The following ATP13A4 variants were observed in gnomAD, a reference collection of about 807,000 sequenced individuals.
ATP13A4 encodes the protein ATPase 13A4.
Under a neutral mutation model 142.5 loss-of-function variants are expected in ATP13A4, and 114 were observed. That is an observed-to-expected ratio of 0.80 (90% CI 0.69 to 0.93). The LOEUF is 0.93. ATP13A4 is among the 40% of genes least tolerant of loss of function. ATP13A4 has a pLI of 0.00. For missense variants in ATP13A4, 1,392 were observed against 1,454.0 expected (o/e 0.96, Z 0.69); for synonymous variants, 488 against 514.8 (o/e 0.95, Z 0.70).
At chr3:193,534,673 T>C (rs2108707296) in intron 1 of ATP13A4, among the ~76,000 whole-genome samples, 1 of 152,190 alleles carries the variant, frequency 6.6e-6, no homozygotes, top group African/African-American at 2.4e-5. Context: ...TTGTCCAATA[T>C]GAACTACAGA....
At chr3:193,458,986 C>G (rs1443020231) in intron 14 of ATP13A4, 95 bp downstream of exon 14, 1 of 1,554,320 alleles carries the variant, frequency 6.4e-7, no homozygotes, top group Non-Finnish European at 8.9e-7. Flanking sequence ...ACATTGGAAA[C>G]CTCACCTTTT....
rs753114698 is a variant in ATP13A4, at chr3:193,454,167, C to T, written c.1961G>A (p.Gly654Asp). 19 of 1,613,994 alleles carry T rather than the reference C, an allele frequency of 1.2e-5. No individual in the cohort carries two copies. The South Asian group carries it at 1.3e-4, about 11-fold the overall frequency. ...GTAGGCCAGTGCTATGACTCGGAAG[C>T]CCTGTGTCGTGTAAATCTGAAGTTC... ...VSELQIYTTQ[G>D]FRVIALAYKK... Residue 654 changes from glycine to aspartate, a missense_variant, in exon 17 of 30, where the codon GGC becomes GAC. Transcript: ENST00000342695.
chr3:193,456,974 G>T, intron 16 of ATP13A4, 26 bp downstream of exon 16: 2 of 1,600,452 alleles, frequency 1.2e-6, no homozygotes, highest in East Asian at 2.2e-5. Context: ...AGATTTGCCA[G>T]GTGTAATCCA....
chr3:193,414,490 G>A, intron 26 of ATP13A4, 89 bp downstream of exon 26: 1 of 1,486,618 alleles, frequency 6.7e-7, no homozygotes, highest in Non-Finnish European at 9.3e-7. Flanking sequence ...TTGGCAGAAT[G>A]AAGACCCATG....
chr3:193,430,829 T>C (rs1423466060), intron 25 of ATP13A4, among the ~76,000 whole-genome samples: 3 of 152,044 alleles, frequency 2.0e-5, no homozygotes, highest in East Asian at 1.9e-4. Context: ...CATTGGAGCA[T>C]TTTAAGCAAG....
At chr3:193,583,678 G>A (rs75633055) in intron 1 of ATP13A4, among the ~76,000 whole-genome samples, 4,523 of 151,760 alleles carry the variant, frequency 0.03, 234 homozygotes, top group African/African-American at 0.1. Flanking sequence ...CAGACAATAA[G>A]TTGGCATTTC....
At chr3:193,522,738 T>C (rs1721790082) in intron 1 of ATP13A4, among the ~76,000 whole-genome samples, 1 of 152,096 alleles carries the variant, frequency 6.6e-6, no homozygotes, top group Admixed American at 6.5e-5. Context: ...AGCTTCAAAC[T>C]ACAGAGTGAG....
rs773750389 is a variant in ATP13A4, at chr3:193,457,396, A to T, written c.1744T>A (p.Cys582Ser). ...GGGCTTACCTGGCTGGCTGTTCTGC[A>T]GGGCTTAACTACCATGGCATGTGCC... Reference protein sequence around the residue: ...VPAHAMVVKPCRTASQVPVEG... With the variant: ...VPAHAMVVKPSRTASQVPVEG... Residue 582 changes from cysteine (C) to serine (S), a missense_variant, in exon 15 of 30, where the codon TGC becomes AGC. Cys to Ser is a moderately radical substitution (Grantham distance 112). Transcript: ENST00000342695. 1.2e-6 allele frequency: 2 copies of T among 1,614,230 alleles called. No individual in the cohort carries two copies. The highest frequency in any genetic ancestry group is 1.7e-6 in the Non-Finnish European group (2 of 1,180,032).
intron 25 of ATP13A4, among the ~76,000 whole-genome samples, chr3:193,429,120 A>G (rs1289496642): frequency 1.3e-5 from 2 of 152,082 alleles, no homozygotes; most frequent in African/African-American, 4.8e-5. Flanking sequence ...CTCCAAACCT[A>G]TTAGGATGGT....
At chr3:193,485,210 G>A (rs1042610849) in intron 7 of ATP13A4, among the ~76,000 whole-genome samples, 5 of 151,784 alleles carry the variant, frequency 3.3e-5, no homozygotes, top group East Asian at 3.9e-4. Context: ...AAAGCCTAGC[G>A]CATCTGGAAG....
intron 2 of ATP13A4, among the ~76,000 whole-genome samples, chr3:193,560,572 C>T (rs971284030): frequency 3.9e-5 from 6 of 152,164 alleles, no homozygotes; most frequent in Admixed American, 1.3e-4. Context: ...AGAATATTTA[C>T]GAGGACTTCA....
At position 193,418,475 on chromosome 3, in the gene ATP13A4, A is replaced by T. The variant is rs1343017383; in HGVS notation, c.2843-3725T>A. Among the ~76,000 whole-genome samples the T allele has an allele frequency of 4.7e-5, 7 of 149,724 alleles. 1 individual carries two copies. The highest frequency in any genetic ancestry group is 1.7e-4 in the African/African-American group (7 of 40,636). On this transcript the variant is annotated intron_variant, in intron 25 of 29. Coordinates refer to ENST00000342695, the MANE Select transcript of ATP13A4 (RefSeq NM_032279.4). Reference sequence around the variant, plus strand: ...TCAGAATACATCAAAGGAGTAGCAGAAACCCTGTAGAGCACAGAAAACCAG... The same window carrying T: ...TCAGAATACATCAAAGGAGTAGCAGTAACCCTGTAGAGCACAGAAAACCAG...
rs1714952548 is a variant in ATP13A4, at chr3:193,414,578, C to T, written c.3014+1G>A. ...AGCAGAAGCTGAGACTATACTCATA[C>T]CTGTGTATCTCCACGGAATACCAAG... On this transcript the variant is annotated splice_donor_variant, in intron 26 of 29. Transcript: ENST00000342695. LOFTEE classifies it high-confidence loss of function. The T allele has an allele frequency of 1.2e-6, 2 of 1,613,408 alleles. No individual in the cohort carries two copies. The highest frequency in any genetic ancestry group is 1.7e-6 in the Non-Finnish European group (2 of 1,179,550).
At chr3:193,511,384 G>A (rs955683471) in intron 2 of ATP13A4, among the ~76,000 whole-genome samples, 1 of 152,172 alleles carries the variant, frequency 6.6e-6, no homozygotes. Context: ...GAGATCACCC[G>A]ACTGAGTATG....
At chr3:193,537,834 A>G (rs191837178) in intron 1 of ATP13A4, among the ~76,000 whole-genome samples, 125 of 152,238 alleles carry the variant, frequency 8.2e-4, no homozygotes, top group African/African-American at 2.8e-3. Flanking sequence ...TATGCTGGGG[A>G]AAAAAAGCCA....
intron 18 of ATP13A4, 135 bp from the exon 19 acceptor site, chr3:193,442,691 G>T: frequency 2.3e-6 from 2 of 858,164 alleles, no homozygotes; most frequent in Non-Finnish European, 1.8e-6. Context: ...ATCTATTTCA[G>T]CCCTGACCTT....
chr3:193,465,906 G>C (rs1718248580), intron 11 of ATP13A4, 119 bp downstream of exon 11: 1 of 1,236,654 alleles, frequency 8.1e-7, no homozygotes, highest in Non-Finnish European at 1.2e-6. Flanking sequence ...GTAGGCATCA[G>C]TGCTTGGTTT....
chr3:193,524,394 C>T (rs1721889690), intron 1 of ATP13A4, among the ~76,000 whole-genome samples: 1 of 152,178 alleles, frequency 6.6e-6, no homozygotes, highest in African/African-American at 2.4e-5. Flanking sequence ...AATTATAGGA[C>T]ACCCATTTGG....
At chr3:193,415,395 C>G (rs948681198) in intron 25 of ATP13A4, among the ~76,000 whole-genome samples, 1 of 152,100 alleles carries the variant, frequency 6.6e-6, no homozygotes, top group Non-Finnish European at 1.5e-5. Context: ...ATCTGAAAAA[C>G]AGAAAAGTAT....
Sources: gnomAD v4.1 joint callset for allele counts (sites outside exome capture counted in the v4.1 genomes callset) on GRCh38, gnomAD v4.1.1 for gene constraint, MANE v1.5 for transcripts, NCBI Gene and HGNC (gene_info 2026-07-23, HGNC 2026-07-21) for gene names.